SLC4A10: variants seen among roughly 807,000 people sequenced by gnomAD.
SLC4A10 encodes sodium-driven chloride bicarbonate exchanger.
SLC4A10 carries 42 observed loss-of-function variants against 137.7 expected under a neutral mutation model. The observed-to-expected ratio is 0.30, with a 90% CI of 0.24 to 0.39. The LOEUF is 0.39. Ranked by LOEUF, SLC4A10 falls within the 10% of genes least tolerant of loss-of-function variation. The pLI, the probability that SLC4A10 is intolerant of heterozygous loss-of-function variation, is 1.00. For synonymous variants in SLC4A10, 474 were observed against 464.1 expected, an observed-to-expected ratio of 1.02 and a Z score of -0.27; for missense variants, 925 against 1,355.0, an observed-to-expected ratio of 0.68 and a Z score of 4.98.
intron 1 of SLC4A10, among the ~76,000 whole-genome samples, chr2:161,751,890 C>T (rs1162732204): frequency 6.6e-6 from 1 of 151,906 alleles, no homozygotes; most frequent in Non-Finnish European, 1.5e-5. Flanking sequence ...TAAATGCATA[C>T]ACGTTTACTC....
At chr2:161,625,049 G>A (rs938164921) in intron 1 of SLC4A10, among the ~76,000 whole-genome samples, 11 of 146,910 alleles carry the variant, frequency 7.5e-5, no homozygotes, top group Non-Finnish European at 1.5e-4. Flanking sequence ...AGAAACCAGG[G>A]GAAAGAACAG....
intron 3 of SLC4A10, among the ~76,000 whole-genome samples, chr2:161,812,751 C>T (rs1392671794): frequency 6.6e-6 from 1 of 151,998 alleles, no homozygotes. Context: ...ACCACATTTT[C>T]TTTATCCACC....
intron 10 of SLC4A10, among the ~76,000 whole-genome samples, chr2:161,893,606 T>G (rs936899708): frequency 6.6e-6 from 1 of 151,864 alleles, no homozygotes; most frequent in African/African-American, 2.4e-5. Context: ...GACAGGAGCT[T>G]AAGCAGGAGC....
chr2:161,833,862 A>T (rs1282790399), intron 3 of SLC4A10, among the ~76,000 whole-genome samples: 1 of 152,212 alleles, frequency 6.6e-6, no homozygotes, highest in Non-Finnish European at 1.5e-5. Context: ...AATTAAAAAA[A>T]GTTTCCAACT....
chr2:161,983,096 C>A (rs377270253), intron 26 of SLC4A10, 83 bp from the exon 27 acceptor site: 84 of 1,283,948 alleles, frequency 6.5e-5, no homozygotes, highest in Non-Finnish European at 9.1e-5. Flanking sequence ...TTGGGGTTGA[C>A]GGGTTTTATG....
chr2:161,870,028 A>C (rs990686972), intron 6 of SLC4A10, among the ~76,000 whole-genome samples: 1 of 151,430 alleles, frequency 6.6e-6, no homozygotes. Context: ...AATATTTATA[A>C]AAATAGTTTC....
chr2:161,752,703 C>T (rs1442488847), intron 1 of SLC4A10, among the ~76,000 whole-genome samples: 3 of 152,026 alleles, frequency 2.0e-5, no homozygotes, highest in African/African-American at 7.2e-5. Flanking sequence ...GTTAAGTGAA[C>T]TAAGCAAGGC....
intron 10 of SLC4A10, among the ~76,000 whole-genome samples, chr2:161,887,642 T>A (rs2062458286): frequency 6.6e-6 from 1 of 152,198 alleles, no homozygotes; most frequent in South Asian, 2.1e-4. Context: ...TTTACCCACT[T>A]TTTGCTGGGG....
At chr2:161,753,155 T>C (rs2049180038) in intron 1 of SLC4A10, among the ~76,000 whole-genome samples, 1 of 152,144 alleles carries the variant, frequency 6.6e-6, no homozygotes, top group Non-Finnish European at 1.5e-5. Context: ...TCTTTGCTCA[T>C]ATGGCATAAA....
intron 11 of SLC4A10, among the ~76,000 whole-genome samples, chr2:161,898,932 T>A (rs995193005): frequency 2.0e-5 from 3 of 152,168 alleles, no homozygotes; most frequent in African/African-American, 4.8e-5. Flanking sequence ...ACTTGATGAC[T>A]ATTTCACACT....
At chr2:161,906,460 T>A (rs1402797405) in intron 15 of SLC4A10, among the ~76,000 whole-genome samples, 2 of 152,194 alleles carry the variant, frequency 1.3e-5, no homozygotes, top group African/African-American at 4.8e-5. Flanking sequence ...GGATTGAAGA[T>A]GTGATTGGAT....
At position 161,954,905 on chromosome 2, in the gene SLC4A10, A is replaced by T. The variant is rs191044669; in HGVS notation, c.2542-2084A>T. Among the ~76,000 whole-genome samples, 16 of 152,282 alleles carry T rather than the reference A, an allele frequency of 1.1e-4. No homozygotes were observed. The East Asian group carries it at 3.1e-3, about 29-fold the overall frequency. On this transcript the variant is annotated intron_variant, in intron 19 of 26. Transcript: ENST00000446997. ...AGCTATTGGAAATCACTATCGCGAC[A>T]AAGATCTCCCTCATATTATTGAGAT...
intron 1 of SLC4A10, among the ~76,000 whole-genome samples, chr2:161,634,611 T>C (rs2034115861): frequency 6.6e-6 from 1 of 152,040 alleles, no homozygotes; most frequent in African/African-American, 2.4e-5. Flanking sequence ...TCTGTAAATA[T>C]GTATGATATG....
intron 1 of SLC4A10, among the ~76,000 whole-genome samples, chr2:161,715,016 A>G (rs1464744196): frequency 6.6e-6 from 1 of 151,984 alleles, no homozygotes; most frequent in African/African-American, 2.4e-5. Context: ...CATACTGTAC[A>G]TCCTATGTAA....
chr2:161,830,151 G>T (rs2058335731), intron 3 of SLC4A10, among the ~76,000 whole-genome samples: 2 of 144,548 alleles, frequency 1.4e-5, no homozygotes, highest in Admixed American at 6.8e-5. Context: ...GCATATTGTA[G>T]GAACTAAAGC....
chr2:161,762,717 A>G (rs2050380721), intron 1 of SLC4A10, among the ~76,000 whole-genome samples: 1 of 152,116 alleles, frequency 6.6e-6, no homozygotes, highest in Non-Finnish European at 1.5e-5. Flanking sequence ...TCGTGAAAGT[A>G]ATATGGTACG....
intron 2 of SLC4A10, among the ~76,000 whole-genome samples, chr2:161,778,998 T>C (rs1278810347): frequency 6.6e-6 from 1 of 151,820 alleles, no homozygotes; most frequent in Non-Finnish European, 1.5e-5. Context: ...AGAAAAGAAG[T>C]TTATTTAGGT....
chr2:161,896,025 T>C (rs1256120553), intron 11 of SLC4A10, among the ~76,000 whole-genome samples: 4 of 151,928 alleles, frequency 2.6e-5, no homozygotes, highest in Non-Finnish European at 5.9e-5. Context: ...TAGGTTTTCT[T>C]CTAGGGTTTT....
At chr2:161,653,389 G>A (rs1214900042) in intron 1 of SLC4A10, among the ~76,000 whole-genome samples, 1 of 151,978 alleles carries the variant, frequency 6.6e-6, no homozygotes, top group Non-Finnish European at 1.5e-5. Context: ...TGGGTCAAAT[G>A]GTATTTCTAG....
Sources: allele counts gnomAD v4.1 joint callset (sites outside exome capture counted in the v4.1 genomes callset), GRCh38; gene constraint gnomAD v4.1.1; transcripts MANE v1.5; gene names NCBI Gene and HGNC (gene_info 2026-07-23, HGNC 2026-07-21).